The following TBX1 variants were observed in gnomAD, a reference collection of about 807,000 sequenced individuals.
The protein encoded by TBX1 is T-box transcription factor 1, also known as T-box transcription factor TBX1.
Under a neutral mutation model 40.8 loss-of-function variants are expected in TBX1, and 16 were observed. The observed-to-expected ratio is 0.39, with a 90% CI of 0.27 to 0.60. TBX1 has a LOEUF of 0.60. TBX1 is among the 20% of genes least tolerant of loss of function. TBX1 has a pLI of 0.51. For synonymous variants in TBX1, 403 were observed against 336.8 expected, an observed-to-expected ratio of 1.20 and a Z score of -2.15; for missense variants, 755 against 728.5, an observed-to-expected ratio of 1.04 and a Z score of -0.42.
At chr22:19,779,129 C>T in intron 8 of TBX1, 1 of 1,470,642 alleles carries the variant, frequency 6.8e-7, no homozygotes, top group Non-Finnish European at 9.4e-7. Flanking sequence ...GGTTCAGACA[C>T]TGGACATTTG....
At chr22:19,780,776 G>GGT (rs1555898567), downstream of TBX1, among the ~76,000 whole-genome samples, 148 of 119,088 alleles carry the variant, frequency 1.2e-3, 2 homozygotes, top group African/African-American at 4.3e-3. Context: ...CTTGTTTTCT[G>GGT]TTTTTTTTTT....
At position 19,761,161 on chromosome 22, in the gene TBX1, C is replaced by G. The variant is rs767905417; in HGVS notation, c.318C>G (p.Ala106=). The change falls in exon 1 of 7, where the codon GCC becomes GCG. Residue 106 remains alanine (A), a synonymous_variant. Coordinates refer to ENST00000649276, the MANE Select transcript of TBX1 (RefSeq NM_001379200.1). Reference sequence around the variant, plus strand: ...CCGGGGCCAGCTGCGCGGCCGCAGCCAAGGCGCCGGTGAAGAAGAACGCGA... The same window carrying G: ...CCGGGGCCAGCTGCGCGGCCGCAGCGAAGGCGCCGGTGAAGAAGAACGCGA... The part of the protein sequence containing the change: ...EGPGASCAAA[A]KAPVKKNAKV... 2.6e-6 allele frequency: 4 copies of G among 1,515,316 alleles called. No homozygotes were observed. The Admixed American group carries it at 7.8e-5, about 29-fold the overall frequency. The allele number at this position is 1,515,316 out of a possible 1,614,324, so 93.9% of individuals were successfully genotyped here. A position where few individuals can be genotyped will look rare whatever the true frequency, so the allele number is the denominator to read the frequency against.
At chr22:19,760,704 G>T (rs1936623178), upstream of TBX1, among the ~76,000 whole-genome samples, 1 of 135,342 alleles carries the variant, frequency 7.4e-6, no homozygotes, top group African/African-American at 2.7e-5. Flanking sequence ...GCGGGGCGGG[G>T]CGGGGCGCCT....
chr22:19,761,220 A>T lies in TBX1; in HGVS notation c.377A>T (p.Lys126Met). Reference sequence around the variant, plus strand: ...GGTGTGAGCGTGCAGCTAGAGATGAAGGCGCTGTGGGACGAGTTCAACCAG... The same window carrying T: ...GGTGTGAGCGTGCAGCTAGAGATGATGGCGCTGTGGGACGAGTTCAACCAG... ...VAGVSVQLEM[K>M]ALWDEFNQLG... Residue 126 changes from lysine (K) to methionine (M), a missense_variant, in exon 1 of 7, where the codon AAG becomes ATG. By Grantham distance (95) the Lys-to-Met change is moderately conservative. Coordinates refer to ENST00000649276, the MANE Select transcript of TBX1 (RefSeq NM_001379200.1). 1.3e-6 allele frequency: 2 copies of T among 1,569,926 alleles called. No homozygotes were observed. Among genetic ancestry groups the T allele is most frequent in the East Asian group, 2.5e-5 (1 of 40,708 alleles).
chr22:19,767,055 G>T lies in TBX1; in HGVS notation c.*188G>T, dbSNP rs987951145. On this transcript the variant is annotated 3_prime_UTR_variant, in exon 7 of 7. Coordinates refer to ENST00000649276, the MANE Select transcript of TBX1 (RefSeq NM_001379200.1). ...ACCCCCAGCCCCTTGGGCTATCGAA[G>T]TATCCGGTTCCCCAGTCCCTGGAGC... 7.7e-7 allele frequency: 1 copy of T among 1,300,180 alleles called. No individual in the cohort carries two copies. Among genetic ancestry groups the T allele is most frequent in the African/African-American group, 1.6e-5 (1 of 64,212 alleles). 80.5% of individuals were successfully genotyped at this position (1,300,180 alleles called of 1,614,324 possible).
intron 8 of TBX1, among the ~76,000 whole-genome samples, chr22:19,775,698 A>G (rs927260588): frequency 6.6e-6 from 1 of 152,112 alleles, no homozygotes; most frequent in Non-Finnish European, 1.5e-5. Flanking sequence ...ACATGGCCGC[A>G]CCCTGTCTGA....
intron 4 of TBX1, 127 bp downstream of exon 4, chr22:19,765,240 C>T: frequency 7.0e-7 from 1 of 1,424,596 alleles, no homozygotes; most frequent in Non-Finnish European, 9.8e-7. Context: ...TGGAGCCCAA[C>T]CCAACTGGAG....
chr22:19,765,662 T>A, intron 4 of TBX1, 96 bp from the exon 5 acceptor site: 1 of 1,376,792 alleles, frequency 7.3e-7, no homozygotes, highest in Middle Eastern at 2.1e-4. Flanking sequence ...GAAAGGCCCT[T>A]GGTGCGCTTC....
chr22:19,765,391 AG>A (rs1273527515), intron 4 of TBX1, among the ~76,000 whole-genome samples: 1 of 152,074 alleles, frequency 6.6e-6, no homozygotes, highest in African/African-American at 2.4e-5. Context: ...ACTCCCCATC[AG>A]GGGCCTGATC....
upstream of TBX1, among the ~76,000 whole-genome samples, chr22:19,760,663 T>C (rs1936620517): frequency 1.3e-5 from 1 of 78,282 alleles, no homozygotes. Context: ...ATCTAGTCCA[T>C]TGTCTCCGCG....
chr22:19,782,338 T>C (rs945772448), downstream of TBX1, among the ~76,000 whole-genome samples: 3 of 152,236 alleles, frequency 2.0e-5, no homozygotes, highest in African/African-American at 7.2e-5. Flanking sequence ...AGCAGTGTTT[T>C]ATAGATTTCA....
upstream of TBX1, among the ~76,000 whole-genome samples, chr22:19,757,626 G>C (rs1403700158): frequency 1.3e-5 from 2 of 152,120 alleles, no homozygotes; most frequent in Non-Finnish European, 2.9e-5. Context: ...ACACAGGCAC[G>C]TCTCCTGCAA....
chr22:19,763,341 C>G lies in TBX1; in HGVS notation c.538C>G (p.Arg180Gly). The G allele has an allele frequency of 6.2e-7, 1 of 1,614,066 alleles. No individual in the cohort carries two copies. The highest frequency in any genetic ancestry group is 8.5e-7 in the Non-Finnish European group (1 of 1,179,964). The change falls in exon 2 of 7, where the codon CGG (arginine) becomes GGG (glycine). Residue 180 changes from arginine (R) to glycine (G), a missense_variant and splice_region_variant. Transcript: ENST00000649276. ...DFVPVDDKRY[R>G]YAFHSSSWLV... Reference sequence around the variant, plus strand: ...CGTGCCGGTGGACGATAAGCGCTACCGGTGAGCGAGTGGTTGTAAGCGTGA... The same window carrying G: ...CGTGCCGGTGGACGATAAGCGCTACGGGTGAGCGAGTGGTTGTAAGCGTGA...
upstream of TBX1, among the ~76,000 whole-genome samples, chr22:19,757,116 G>A (rs888385827): frequency 2.0e-5 from 3 of 152,204 alleles, no homozygotes; most frequent in African/African-American, 7.2e-5. Flanking sequence ...GGGTCCGGGG[G>A]TCCGAAATCA....
chr22:19,761,797 G>A (rs1207980709), intron 1 of TBX1, among the ~76,000 whole-genome samples: 3 of 152,228 alleles, frequency 2.0e-5, no homozygotes, highest in South Asian at 2.1e-4. Context: ...TAAAAACAGC[G>A]TGCACTGTTG....
downstream of TBX1, among the ~76,000 whole-genome samples, chr22:19,771,077 T>A (rs868427951): frequency 5.3e-5 from 8 of 152,300 alleles, no homozygotes; most frequent in Middle Eastern, 0.01. Context: ...CTCTCCTCCC[T>A]GTGGGTTCCA....
upstream of TBX1, among the ~76,000 whole-genome samples, chr22:19,757,674 C>T (rs546409686): frequency 5.9e-5 from 9 of 152,308 alleles, no homozygotes; most frequent in East Asian, 1.4e-3. Flanking sequence ...CCCTACCACC[C>T]GCCTCCACGG....
upstream of TBX1, among the ~76,000 whole-genome samples, chr22:19,760,093 G>C (rs1325115929): frequency 1.3e-5 from 2 of 151,814 alleles, no homozygotes. Flanking sequence ...GAAGGTAGGG[G>C]AGAAACAGAA....
Position 19,766,885 on chromosome 22 carries a change from TC to T in TBX1, c.*21del, listed in dbSNP as rs775581777. Reference sequence around the variant, plus strand: ...CCAGATAACACGGGCCCTGTCGCGCTCCCGCCCCGGTCCTGCACAGCCCCGA... The same window carrying T: ...CCAGATAACACGGGCCCTGTCGCGCTCCGCCCCGGTCCTGCACAGCCCCGA... On this transcript the variant is annotated 3_prime_UTR_variant, in exon 7 of 7. Transcript: ENST00000649276. 2 of 1,580,870 alleles carry T rather than the reference TC, an allele frequency of 1.3e-6. No individual in the cohort carries two copies. Among genetic ancestry groups the T allele is most frequent in the Admixed American group, 3.4e-5 (2 of 58,818 alleles).
Sources: gnomAD v4.1 joint callset for allele counts (sites outside exome capture counted in the v4.1 genomes callset) on GRCh38, gnomAD v4.1.1 for gene constraint, MANE v1.5 for transcripts, NCBI Gene and HGNC (gene_info 2026-07-23, HGNC 2026-07-21) for gene names.